The following SLC52A3 variants were observed in gnomAD, a reference collection of about 807,000 sequenced individuals.
The protein encoded by SLC52A3 is solute carrier family 52 member 3.
Under a neutral mutation model 29.5 loss-of-function variants are expected in SLC52A3, and 20 were observed. The ratio of observed to expected loss-of-function variants is 0.68; its 90% CI spans 0.48 to 0.99. The LOEUF is 0.99. Among genes scored for constraint, SLC52A3 ranks in the 50% least tolerant of loss-of-function variants. The probability of loss-of-function intolerance (pLI) is 0.00; values close to 1 mark genes in which losing one functional copy is unlikely to be tolerated. For synonymous variants in SLC52A3, 301 were observed against 271.0 expected, an observed-to-expected ratio of 1.11 and a Z score of -1.09; for missense variants, 548 against 612.9, an observed-to-expected ratio of 0.89 and a Z score of 1.12.
chr20:763,464 C>T, intron 3 of SLC52A3, 34 bp downstream of exon 3: 3 of 1,613,256 alleles, frequency 1.9e-6, no homozygotes, highest in Non-Finnish European at 2.5e-6. Context: ...AGTGTTCCCC[C>T]ACTAGGATTC....
At chr20:763,001 A>G (rs1032668909) in intron 3 of SLC52A3, among the ~76,000 whole-genome samples, 1 of 152,266 alleles carries the variant, frequency 6.6e-6, no homozygotes, top group Non-Finnish European at 1.5e-5. Context: ...TTGCCCAGCC[A>G]TTCTTCTAGA....
Position 761,828 on chromosome 20 carries a change from G to C in SLC52A3, c.1074-4C>G. The C allele has an allele frequency of 6.2e-7, 1 of 1,614,176 alleles. No individual in the cohort carries two copies. Among genetic ancestry groups the C allele is most frequent in the South Asian group, 1.1e-5 (1 of 91,088 alleles). On this transcript the variant is annotated splice_polypyrimidine_tract_variant and splice_region_variant and intron_variant, in intron 3 of 4. Transcript: ENST00000645534. The stretch of plus-strand genomic sequence containing the variant: ...GACCCCCAGGAACAGCAGAGACCTA[G>C]AGGAAAGTAGGGGAGGTGAGTGGAG...
At chr20:778,234 C>T (rs1023345494), upstream of SLC52A3, among the ~76,000 whole-genome samples, 33 of 152,048 alleles carry the variant, frequency 2.2e-4, no homozygotes, top group Admixed American at 6.5e-5. Context: ...AGGCTGGTCC[C>T]GAACTCCTGA....
chr20:761,295 G>T (rs1406998288), intron 4 of SLC52A3, 57 bp from the exon 5 acceptor site: 2 of 1,489,096 alleles, frequency 1.3e-6, no homozygotes, highest in Non-Finnish European at 1.8e-6. Flanking sequence ...GCGAGCGCCG[G>T]AGCAAAGAAC....
At position 761,083 on chromosome 20, in the gene SLC52A3, G is replaced by A; in HGVS notation, c.1353C>T (p.Val451=). ...LLGALLMFPL[V]NVLRLFSSAD... is the part of the protein sequence containing the mutation. ...CGGACGAGAAGAGCCGCAGCACGTTGACCAGAGGGAACATGAGCAGCGCTC... is the reference window on the plus strand; with the variant it reads ...CGGACGAGAAGAGCCGCAGCACGTTAACCAGAGGGAACATGAGCAGCGCTC... Residue 451 remains valine, a synonymous_variant, in exon 5 of 5, where the codon GTC becomes GTT. Coordinates refer to ENST00000645534, the MANE Select transcript of SLC52A3 (RefSeq NM_033409.4). The A allele has an allele frequency of 1.2e-6, 2 of 1,609,954 alleles. No homozygotes were observed. The highest frequency in any genetic ancestry group is 3.3e-5 in the Admixed American group (2 of 59,764).
chr20:763,284 C>T (rs1986550186), intron 3 of SLC52A3, among the ~76,000 whole-genome samples: 1 of 152,240 alleles, frequency 6.6e-6, no homozygotes, highest in Non-Finnish European at 1.5e-5. Flanking sequence ...ATGTTACACT[C>T]CCATTTTCCG....
At chr20:774,566 G>A (rs752088422) in intron 1 of SLC52A3, among the ~76,000 whole-genome samples, 20 of 152,212 alleles carry the variant, frequency 1.3e-4, no homozygotes, top group Non-Finnish European at 2.5e-4. Context: ...AAGCAGAAAT[G>A]GGGAGAAAGG....
upstream of SLC52A3, among the ~76,000 whole-genome samples, chr20:769,326 C>T (rs77409504): frequency 0.016 from 2,410 of 152,260 alleles, 64 homozygotes; most frequent in African/African-American, 0.054. Context: ...GTTCTAGACT[C>T]GGGCCATCTT....
rs930901936 is a variant in SLC52A3 at position 760,552 on chromosome 20, G to T, written c.*474C>A. ...CGATGGACTGTCAGATCAGCAGGTGGCCCAGGAGGGCTTGCTTGATGCGGG... is the reference window on the plus strand; with the variant it reads ...CGATGGACTGTCAGATCAGCAGGTGTCCCAGGAGGGCTTGCTTGATGCGGG... On this transcript the variant is annotated 3_prime_UTR_variant, in exon 5 of 5. Transcript: ENST00000645534. This position sits in a 1 kb window ranked among gnomAD's most constrained non-coding sequence, Gnocchi z 4.9. 1.1e-5 allele frequency: 2 copies of T among 174,112 alleles called. No homozygotes were observed. Among genetic ancestry groups the T allele is most frequent in the African/African-American group, 4.7e-5 (2 of 42,262 alleles). 10.8% of individuals were successfully genotyped at this position (174,112 alleles called of 1,614,324 possible). A position where few individuals can be genotyped will look rare whatever the true frequency, so the allele number is the denominator to read the frequency against.
chr20:779,911 C>T (rs1418512876), upstream of SLC52A3, among the ~76,000 whole-genome samples: 1 of 152,162 alleles, frequency 6.6e-6, no homozygotes, highest in Admixed American at 6.5e-5. Flanking sequence ...AAAGCTGAGG[C>T]TAGCCGTGGA....
In SLC52A3 at chr20:765,304, A is replaced by G. The variant is rs1370698750; in HGVS notation, c.471T>C (p.Leu157=). The G allele has an allele frequency of 2.5e-6, 4 of 1,613,988 alleles. No homozygotes were observed. In the African/African-American group the frequency reaches 5.3e-5, roughly 22 times the overall value. ...LSGLLPALVA[L]AQGSGLTTCV... ...AGGTAGTGAGACCGGAGCCCTGGGC[A>G]AGAGCCACCAGGGCGGGCAAGAGGC... Residue 157 remains leucine (L), a synonymous_variant, in exon 2 of 5, where the codon CTT becomes CTC. Coordinates refer to ENST00000645534, the MANE Select transcript of SLC52A3 (RefSeq NM_033409.4). The surrounding 1 kb of genome is among the most constrained non-coding windows in gnomAD (Gnocchi z 6.6).
chr20:776,870 C>G (rs1480553344), upstream of SLC52A3, among the ~76,000 whole-genome samples: 7 of 151,192 alleles, frequency 4.6e-5, no homozygotes, highest in Non-Finnish European at 1.0e-4. Flanking sequence ...GGGGGGGCCA[C>G]AGGAGCAGGG....
Position 765,463 on chromosome 20 carries a change from G to A in SLC52A3, c.312C>T (p.His104=). 1 of 1,606,672 alleles carries A rather than the reference G, an allele frequency of 6.2e-7. No homozygotes were observed. Among genetic ancestry groups the A allele is most frequent in the Non-Finnish European group, 8.5e-7 (1 of 1,176,572 alleles). ...NMTSWVLDGH[H]SIAFLVLTFF... is the part of the protein sequence containing the mutation. Reference sequence around the variant, plus strand: ...AGGTGAGGACCAAGAAGGCGATGCTGTGGTGGCCGTCCAGCACCCAGGAGG... The same window carrying A: ...AGGTGAGGACCAAGAAGGCGATGCTATGGTGGCCGTCCAGCACCCAGGAGG... Residue 104 remains histidine (H), a synonymous_variant, in exon 2 of 5, where the codon CAC becomes CAT. Transcript: ENST00000645534. The surrounding 1 kb of genome is among the most constrained non-coding windows in gnomAD (Gnocchi z 6.6).
At chr20:772,339 G>A (rs1986866400), upstream of SLC52A3, among the ~76,000 whole-genome samples, 1 of 152,248 alleles carries the variant, frequency 6.6e-6, no homozygotes. Flanking sequence ...CAGTGGGGGT[G>A]TGTCCCCACG....
rs544485421 is a variant in SLC52A3, at chr20:760,691, T to A, written c.*335A>T. On this transcript the variant is annotated 3_prime_UTR_variant, in exon 5 of 5. Transcript: ENST00000645534. This position sits in a 1 kb window ranked among gnomAD's most constrained non-coding sequence, Gnocchi z 4.9. ...GAGAAGCCAAATGACTTTCCCAAGG[T>A]CACACAGCCTGAAGGGACAGCCGGC... is the stretch of plus-strand genomic sequence containing the variant. 1 of 343,590 alleles carries A rather than the reference T, an allele frequency of 2.9e-6. No individual in the cohort carries two copies. Among genetic ancestry groups the A allele is most frequent in the East Asian group, 4.9e-5 (1 of 20,614 alleles). The allele number at this position is 343,590 out of a possible 1,614,324, so 21.3% of individuals were successfully genotyped here. A position where few individuals can be genotyped will look rare whatever the true frequency, so the allele number is the denominator to read the frequency against.
intron 1 of SLC52A3, among the ~76,000 whole-genome samples, chr20:766,679 A>G (rs1986696967): frequency 6.7e-6 from 1 of 148,930 alleles, no homozygotes; most frequent in Non-Finnish European, 1.5e-5. Flanking sequence ...CCCCACCCCT[A>G]TCTCCCTTCG....
intron 3 of SLC52A3, 144 bp from the exon 4 acceptor site, chr20:761,968 G>A (rs931927272): frequency 1.8e-5 from 22 of 1,255,060 alleles, no homozygotes; most frequent in Non-Finnish European, 2.3e-5. Context: ...GCTCAAGTGG[G>A]TCAGGGAGGC....
upstream of SLC52A3, among the ~76,000 whole-genome samples, chr20:770,842 C>G (rs1247540081): frequency 6.6e-6 from 1 of 152,116 alleles, no homozygotes; most frequent in Non-Finnish European, 1.5e-5. The surrounding 1 kb of genome is among the most constrained non-coding windows in gnomAD (Gnocchi z 4.5). Context: ...TTCTGGCAAA[C>G]AGGGAAAGAG....
At chr20:761,880 C>G in intron 3 of SLC52A3, 56 bp from the exon 4 acceptor site, 1 of 1,612,542 alleles carries the variant, frequency 6.2e-7, no homozygotes, top group East Asian at 2.2e-5. Context: ...CTGACCCCCC[C>G]GCCCCACTGG....
Sources: gnomAD v4.1 joint callset for allele counts (sites outside exome capture counted in the v4.1 genomes callset) on GRCh38, gnomAD v4.1.1 for gene constraint, Gnocchi (gnomAD v3.1) non-coding constraint, MANE v1.5 for transcripts, NCBI Gene and HGNC (gene_info 2026-07-23, HGNC 2026-07-21) for gene names.